The following ACSM2B variants were observed in gnomAD, a reference collection of about 807,000 sequenced individuals.
ACSM2B encodes the protein acyl-coenzyme A synthetase ACSM2B, mitochondrial.
ACSM2B carries 58 observed loss-of-function variants against 78.6 expected under a neutral mutation model. That is an observed-to-expected ratio of 0.74 (90% CI 0.60 to 0.92). The LOEUF is 0.92. ACSM2B is among the 40% of genes least tolerant of loss of function. The probability of loss-of-function intolerance (pLI) is 0.00; values close to 1 mark genes in which losing one functional copy is unlikely to be tolerated. For missense variants in ACSM2B, 688 were observed against 711.2 expected (o/e 0.97, Z 0.37); for synonymous variants, 257 against 256.8 (o/e 1.00, Z -0.01).
chr16:20,566,255 A>ATG (rs1281028118), intron 1 of ACSM2B, among the ~76,000 whole-genome samples: 2 of 78,070 alleles, frequency 2.6e-5, no homozygotes, highest in Non-Finnish European at 5.4e-5. Context: ...GATTATATAT[A>ATG]TATATATATA....
At chr16:20,559,582 T>G in intron 2 of ACSM2B, 135 bp from the exon 3 acceptor site, 2 of 1,308,132 alleles carry the variant, frequency 1.5e-6, no homozygotes, top group Non-Finnish European at 2.1e-6. Context: ...TCATAAAAAG[T>G]ATTGAAAACC....
chr16:20,549,252 G>C (rs1020025238), intron 6 of ACSM2B, among the ~76,000 whole-genome samples: 5 of 152,108 alleles, frequency 3.3e-5, no homozygotes, highest in Non-Finnish European at 7.4e-5. Context: ...TCTGTTTTCT[G>C]TTGTTATAAC....
At chr16:20,538,410 G>A (rs2014900724) in intron 13 of ACSM2B, among the ~76,000 whole-genome samples, 1 of 152,206 alleles carries the variant, frequency 6.6e-6, no homozygotes, top group African/African-American at 2.4e-5. Flanking sequence ...GCAAAGTTGA[G>A]TAGTTGCAAC....
chr16:20,574,091 G>C, intron 1 of ACSM2B: 1 of 152,186 alleles, frequency 6.6e-6, no homozygotes. Flanking sequence ...CACTCCCAGA[G>C]CGGCCATCTA....
chr16:20,558,272 G>A (rs577961863), intron 3 of ACSM2B, among the ~76,000 whole-genome samples: 1 of 151,636 alleles, frequency 6.6e-6, no homozygotes, highest in South Asian at 2.1e-4. Flanking sequence ...CTGAGGAGTT[G>A]ACTCAACACA....
At position 20,562,185 on chromosome 16, in the gene ACSM2B, A is replaced by G. The variant is rs143960083; in HGVS notation, c.177+2484T>C. On this transcript the variant is annotated intron_variant, in intron 2 of 13. Transcript: ENST00000329697. ...GGCAATTCTATTTTTTAATTTTTTG[A>G]GAAAATGTTATATTGCTTTCCATAA... Among the ~76,000 whole-genome samples, 1,114 of 152,006 alleles carry G rather than the reference A, an allele frequency of 7.3e-3. 9 individuals carry two copies. Among genetic ancestry groups the G allele is most frequent in the Middle Eastern group, 0.02 (6 of 294 alleles).
rs778431687 is a variant in ACSM2B at position 20,543,166 on chromosome 16, C to G, written c.1378G>C (p.Gly460Arg). 4 of 1,613,868 alleles carry G rather than the reference C, an allele frequency of 2.5e-6. No individual in the cohort carries two copies. The East Asian group carries it at 8.9e-5, about 36-fold the overall frequency. Residue 460 changes from glycine to arginine, a missense_variant, in exon 11 of 14, where the codon GGA (glycine) becomes CGA (arginine). Physicochemically the swap from Gly to Arg is moderately radical, Grantham distance 125. Transcript: ENST00000329697. ...KDEDGYFQFM[G>R]RADDIINSSG... is the part of the protein sequence containing the mutation. ...GAGTTAATGATATCATCTGCCCGTC[C>G]CATAAACTGGAAATACCCATCTTCA...
Position 20,547,699 on chromosome 16 carries a change from TA to T in ACSM2B, c.1098+362del. ...ATGTTTGATAAACTTTGGTCTCTGC[TA>T]AAATGTTTCCCCATCACAGAGGAAC... On this transcript the variant is annotated intron_variant, in intron 8 of 13. Coordinates refer to ENST00000329697, the MANE Select transcript of ACSM2B (RefSeq NM_001105069.2). 6 of 1,102,722 alleles carry T rather than the reference TA, an allele frequency of 5.4e-6. No homozygotes were observed. The South Asian group carries it at 1.3e-4, about 23-fold the overall frequency. 68.3% of individuals were successfully genotyped at this position (1,102,722 alleles called of 1,614,324 possible). A position where few individuals can be genotyped will look rare whatever the true frequency, so the allele number is the denominator to read the frequency against.
chr16:20,568,538 C>T (rs2016001252), intron 1 of ACSM2B, among the ~76,000 whole-genome samples: 1 of 151,120 alleles, frequency 6.6e-6, no homozygotes, highest in Non-Finnish European at 1.5e-5. Flanking sequence ...CATGCATGTG[C>T]AGTGACTTCT....
At chr16:20,573,953 G>GC (rs1278890034) in intron 1 of ACSM2B, among the ~76,000 whole-genome samples, 3 of 150,610 alleles carry the variant, frequency 2.0e-5, no homozygotes, top group Non-Finnish European at 4.5e-5. Flanking sequence ...ACAGGAAACA[G>GC]GGTTTGAGAA....
chr16:20,575,895 T>G (rs571754426), intron 1 of ACSM2B: 2 of 151,652 alleles, frequency 1.3e-5, no homozygotes, highest in Non-Finnish European at 2.9e-5. Context: ...TTTTCCATAA[T>G]AAGCTCTTCT....
chr16:20,539,721 G>A (rs963171827), intron 13 of ACSM2B, among the ~76,000 whole-genome samples: 16 of 150,852 alleles, frequency 1.1e-4, no homozygotes, highest in African/African-American at 3.6e-4. Flanking sequence ...AGTTGGTCCA[G>A]TGAGAGTCAA....
Position 20,537,019 on chromosome 16 carries a change from C to T in ACSM2B, c.*239G>A. On this transcript the variant is annotated 3_prime_UTR_variant, in exon 14 of 14. Coordinates refer to ENST00000329697, the MANE Select transcript of ACSM2B (RefSeq NM_001105069.2). ...TTCTCTTGCAGTTTTTAACATTTCC[C>T]TGACTTACTTTTCTTTCCTCTTTTT... 4.9e-6 allele frequency: 2 copies of T among 410,964 alleles called. No individual in the cohort carries two copies. The highest frequency in any genetic ancestry group is 8.4e-6 in the Non-Finnish European group (2 of 236,980). 25.5% of individuals were successfully genotyped at this position (410,964 alleles called of 1,614,324 possible).
rs377560838 is a variant in ACSM2B, at chr16:20,572,664, T to C, written c.-9+3543A>G. On this transcript the variant is annotated intron_variant, in intron 1 of 13. Coordinates refer to ENST00000329697, the MANE Select transcript of ACSM2B (RefSeq NM_001105069.2). ...AGTTTTCCTTGATTATTTCCTTGAATACATTTCCCAAACTTTTAGATGTCT... is the reference window on the plus strand; with the variant it reads ...AGTTTTCCTTGATTATTTCCTTGAACACATTTCCCAAACTTTTAGATGTCT... Among the ~76,000 whole-genome samples, 168 of 151,002 alleles carry C rather than the reference T, an allele frequency of 1.1e-3. 5 individuals carry two copies. In the South Asian group the frequency reaches 0.034, roughly 30 times the overall value.
rs564472730 is a variant in ACSM2B, at chr16:20,564,832, C to T, written c.14G>A (p.Arg5Gln). The part of the protein sequence containing the change: MHWL[R>Q]KVQGLCTLWG... ...CAGGGTGCAAAGTCCCTGAACTTTT[C>T]GCAGCCAATGCATGTTCAGGCCTGT... Residue 5 changes from arginine (R) to glutamine (Q), a missense_variant, in exon 2 of 14, where the codon CGA becomes CAA. Coordinates refer to ENST00000329697, the MANE Select transcript of ACSM2B (RefSeq NM_001105069.2). The T allele has an allele frequency of 9.0e-5, 145 of 1,610,624 alleles. 1 individual carries two copies. Among genetic ancestry groups the T allele is most frequent in the Admixed American group, 8.7e-4 (52 of 59,692 alleles).
At chr16:20,567,641 T>G (rs2015963646) in intron 1 of ACSM2B, among the ~76,000 whole-genome samples, 1 of 137,070 alleles carries the variant, frequency 7.3e-6, no homozygotes, top group Non-Finnish European at 1.5e-5. Flanking sequence ...TATATCTATA[T>G]ATACTATGCT....
At chr16:20,566,690 T>TGTAAC in intron 1 of ACSM2B, among the ~76,000 whole-genome samples, 1 of 2,900 alleles carries the variant, frequency 3.4e-4, no homozygotes, top group African/African-American at 8.0e-4. Context: ...TAGTATATAC[T>TGTAAC]ATATATAGTA....
intron 6 of ACSM2B, among the ~76,000 whole-genome samples, chr16:20,550,528 A>G (rs1242357863): frequency 5.3e-5 from 8 of 152,054 alleles, no homozygotes; most frequent in East Asian, 3.9e-4. Context: ...ACCAGTTCAA[A>G]TCCTTTTGAG....
intron 1 of ACSM2B, among the ~76,000 whole-genome samples, chr16:20,573,754 AC>A (rs1352237537): frequency 6.6e-6 from 1 of 151,282 alleles, no homozygotes; most frequent in Non-Finnish European, 1.5e-5. Context: ...TATGATGGTG[AC>A]CCCGAGCAGC....
Sources: allele counts gnomAD v4.1 joint callset (sites outside exome capture counted in the v4.1 genomes callset), GRCh38; gene constraint gnomAD v4.1.1; transcripts MANE v1.5; gene names NCBI Gene and HGNC (gene_info 2026-07-23, HGNC 2026-07-21).